The following TSHZ2 variants were observed in gnomAD, a reference collection of about 807,000 sequenced individuals.
TSHZ2 encodes teashirt homolog 2.
Under a neutral mutation model 74.4 loss-of-function variants are expected in TSHZ2, and 21 were observed. The observed-to-expected ratio is 0.28, with a 90% CI of 0.20 to 0.41. The LOEUF (loss-of-function observed/expected upper bound fraction) is 0.41. Ranked by LOEUF, TSHZ2 falls within the 10% of genes least tolerant of loss-of-function variation. The probability of loss-of-function intolerance (pLI) is 1.00; values close to 1 mark genes in which losing one functional copy is unlikely to be tolerated. For missense variants in TSHZ2, 1,244 were observed against 1,293.5 expected (o/e 0.96, Z 0.59); for synonymous variants, 540 against 515.3 (o/e 1.05, Z -0.65).
rs181620192 is a variant in TSHZ2, at chr20:53,064,204, A to G, written c.40+90871A>G. On this transcript the variant is annotated intron_variant, in intron 1 of 2. Transcript: ENST00000371497. ...TTGATGGGATCCGAATGGGGAAAAG[A>G]CCCAAAACATTAGGAGATCTCTGGC... 6.1e-4 allele frequency among the ~76,000 whole-genome samples: 93 copies of G among 152,254 alleles called. 1 individual carries two copies. In the Middle Eastern group the frequency reaches 0.014, roughly 22 times the overall value.
chr20:52,998,670 TTCTG>T (rs1235430404), intron 1 of TSHZ2, among the ~76,000 whole-genome samples: 1 of 152,172 alleles, frequency 6.6e-6, no homozygotes, highest in Non-Finnish European at 1.5e-5. Flanking sequence ...TTTAGTTAAT[TTCTG>T]TCTATCGCCT....
intron 2 of TSHZ2, among the ~76,000 whole-genome samples, chr20:53,310,287 G>A (rs150959010): frequency 1.4e-3 from 217 of 152,264 alleles, no homozygotes; most frequent in African/African-American, 4.8e-3. Flanking sequence ...TTACCTCTGT[G>A]GGCCTCAGTT....
At chr20:53,459,402 T>C (rs1458754489) in intron 2 of TSHZ2, among the ~76,000 whole-genome samples, 1 of 151,884 alleles carries the variant, frequency 6.6e-6, no homozygotes, top group Admixed American at 6.6e-5. Context: ...TTGTTTTCCA[T>C]TTGCTTGGTA....
chr20:53,203,642 A>C (rs555256779), intron 1 of TSHZ2, among the ~76,000 whole-genome samples: 4 of 152,200 alleles, frequency 2.6e-5, no homozygotes, highest in Non-Finnish European at 4.4e-5. Context: ...GGGCAGACTC[A>C]TCTCCAGCCA....
intron 1 of TSHZ2, among the ~76,000 whole-genome samples, chr20:53,126,639 G>T (rs60672542): frequency 0.013 from 1,958 of 152,270 alleles, 45 homozygotes; most frequent in African/African-American, 0.045. Context: ...GTCCACAAAG[G>T]TATCATTCAG....
intron 2 of TSHZ2, among the ~76,000 whole-genome samples, chr20:53,279,157 GA>G (rs1292150879): frequency 6.6e-6 from 1 of 152,202 alleles, no homozygotes; most frequent in Non-Finnish European, 1.5e-5. Context: ...CTGAGAAGAA[GA>G]AGTAAGTAGA....
intron 1 of TSHZ2, among the ~76,000 whole-genome samples, chr20:53,049,762 G>T (rs149527455): frequency 2.4e-3 from 358 of 151,948 alleles, no homozygotes; most frequent in African/African-American, 8.2e-3. Context: ...GTGCCCTAAG[G>T]GGAAAAAAAG....
chr20:53,415,256 T>G (rs1243396000), intron 2 of TSHZ2, among the ~76,000 whole-genome samples: 1 of 152,238 alleles, frequency 6.6e-6, no homozygotes, highest in African/African-American at 2.4e-5. Context: ...AGGTTGGCTA[T>G]TGTCTAAGAT....
intron 1 of TSHZ2, among the ~76,000 whole-genome samples, chr20:53,215,797 A>T (rs962165526): frequency 4.6e-5 from 7 of 151,186 alleles, no homozygotes; most frequent in African/African-American, 1.7e-4. Flanking sequence ...GAACTCAGGA[A>T]GCGGAGGTTG....
chr20:53,483,351 C>T (rs189014664), intron 2 of TSHZ2, among the ~76,000 whole-genome samples: 85 of 152,032 alleles, frequency 5.6e-4, no homozygotes, highest in Admixed American at 5.5e-3. Flanking sequence ...GGAGGCTCTA[C>T]AAAATACAAA....
chr20:53,308,985 A>AG (rs1978663672), intron 2 of TSHZ2, among the ~76,000 whole-genome samples: 1 of 152,218 alleles, frequency 6.6e-6, no homozygotes, highest in Non-Finnish European at 1.5e-5. Flanking sequence ...CAGAGAACTC[A>AG]GGGGGCAAAA....
rs1405742638 is a variant in TSHZ2, at chr20:53,091,455, T to C, written c.40+118122T>C. Among the ~76,000 whole-genome samples the C allele has an allele frequency of 2.0e-5, 3 of 152,268 alleles. No homozygotes were observed. The East Asian group carries it at 5.8e-4, about 29-fold the overall frequency. On this transcript the variant is annotated intron_variant, in intron 1 of 2. Coordinates refer to ENST00000371497, the MANE Select transcript of TSHZ2 (RefSeq NM_173485.6). ...AAGCTACAGATTCAAGTTGCTTTGCTGAAAATATAGCTTAAATAATTTGTA... is the reference window on the plus strand; with the variant it reads ...AAGCTACAGATTCAAGTTGCTTTGCCGAAAATATAGCTTAAATAATTTGTA...
At chr20:53,181,582 T>A (rs1272648734) in intron 1 of TSHZ2, among the ~76,000 whole-genome samples, 1 of 152,094 alleles carries the variant, frequency 6.6e-6, no homozygotes, top group Non-Finnish European at 1.5e-5. Flanking sequence ...GGGTCGTTGC[T>A]TTTATTTAGA....
chr20:53,346,763 TTCC>T (rs1980456895), intron 2 of TSHZ2, among the ~76,000 whole-genome samples: 2 of 152,232 alleles, frequency 1.3e-5, no homozygotes, highest in African/African-American at 4.8e-5. Flanking sequence ...GAGCATGGAT[TTCC>T]TACTTTTAGA....
At chr20:53,052,448 T>G (rs1392785329) in intron 1 of TSHZ2, among the ~76,000 whole-genome samples, 3 of 152,172 alleles carry the variant, frequency 2.0e-5, no homozygotes, top group Non-Finnish European at 4.4e-5. Flanking sequence ...CTTATGAGGA[T>G]GGAATGCCTG....
chr20:53,233,841 G>T (rs1989880756), intron 1 of TSHZ2, among the ~76,000 whole-genome samples: 1 of 152,148 alleles, frequency 6.6e-6, no homozygotes, highest in Admixed American at 6.5e-5. Context: ...TGGAACCAAG[G>T]ATTCCAGCCT....
chr20:53,066,154 A>G (rs76164882), intron 1 of TSHZ2, among the ~76,000 whole-genome samples: 1 of 152,242 alleles, frequency 6.6e-6, no homozygotes, highest in Middle Eastern at 3.4e-3. Flanking sequence ...ATGGCGGCCT[A>G]GGGGAGGTGG....
intron 1 of TSHZ2, among the ~76,000 whole-genome samples, chr20:53,123,842 T>A (rs1296526396): frequency 2.0e-5 from 3 of 152,190 alleles, no homozygotes; most frequent in African/African-American, 4.8e-5. Flanking sequence ...AACCCATACA[T>A]GCCTGGTTCC....
intron 2 of TSHZ2, among the ~76,000 whole-genome samples, chr20:53,324,236 G>T (rs779166280): frequency 1.3e-5 from 2 of 152,168 alleles, no homozygotes; most frequent in Non-Finnish European, 2.9e-5. Flanking sequence ...TTGTGTCTCG[G>T]AATCATCAGA....
Sources: allele counts gnomAD v4.1 joint callset (sites outside exome capture counted in the v4.1 genomes callset), GRCh38; gene constraint gnomAD v4.1.1; transcripts MANE v1.5; gene names NCBI Gene and HGNC (gene_info 2026-07-23, HGNC 2026-07-21).